The following DAGLB variants were observed in gnomAD, a reference collection of about 807,000 sequenced individuals.
The protein encoded by DAGLB is diacylglycerol lipase beta, also known as diacylglycerol lipase-beta.
Under a neutral mutation model 72.1 loss-of-function variants are expected in DAGLB, and 66 were observed. The observed-to-expected ratio is 0.92, with a 90% confidence interval of 0.75 to 1.12. DAGLB has a LOEUF of 1.12. Among genes scored for constraint, DAGLB ranks in the 50% most tolerant of loss-of-function variants. The pLI is 0.00. For missense variants in DAGLB, 1,065 were observed against 884.9 expected (o/e 1.20, Z -2.58); for synonymous variants, 414 against 359.5 (o/e 1.15, Z -1.71).
intron 6 of DAGLB, among the ~76,000 whole-genome samples, chr7:6,428,224 T>C (rs145204581): frequency 0.024 from 3,413 of 142,770 alleles, 63 homozygotes; most frequent in Middle Eastern, 0.049. Context: ...TGCAGGCCTG[T>C]AATCCCAGCT....
chr7:6,443,160 G>C (rs1784884214), intron 2 of DAGLB, among the ~76,000 whole-genome samples: 1 of 146,012 alleles, frequency 6.8e-6, no homozygotes, highest in African/African-American at 2.6e-5. Context: ...CTGCAGTCCA[G>C]CCTGGGTGAA....
chr7:6,436,230 C>G, intron 3 of DAGLB, 132 bp downstream of exon 3: 2 of 1,157,970 alleles, frequency 1.7e-6, no homozygotes, highest in African/African-American at 1.5e-5. Context: ...TCATGAGTTA[C>G]GCAGAAACTA....
intron 4 of DAGLB, among the ~76,000 whole-genome samples, chr7:6,433,568 G>A (rs960548643): frequency 6.6e-6 from 1 of 152,168 alleles, no homozygotes; most frequent in Non-Finnish European, 1.5e-5. Context: ...TGCCAGGTGC[G>A]ATGACTCACG....
At chr7:6,438,556 A>G (rs1277437110) in intron 2 of DAGLB, among the ~76,000 whole-genome samples, 3 of 151,974 alleles carry the variant, frequency 2.0e-5, no homozygotes, top group Non-Finnish European at 4.4e-5. Context: ...CCCCAGAGAA[A>G]CAGGAAACAG....
intron 6 of DAGLB, 54 bp from the exon 7 acceptor site, chr7:6,426,168 C>T (rs1163120317): frequency 7.5e-6 from 12 of 1,603,794 alleles, no homozygotes; most frequent in Non-Finnish European, 9.4e-6. Context: ...TGGCAAGGAA[C>T]GTCCATCCTC....
intron 11 of DAGLB, among the ~76,000 whole-genome samples, chr7:6,413,586 C>T (rs987810128): frequency 4.0e-5 from 6 of 151,474 alleles, no homozygotes; most frequent in South Asian, 2.1e-4. Context: ...ACTGAGATCG[C>T]GCCACTGCAC....
chr7:6,426,022 T>C lies in DAGLB; in HGVS notation c.1022A>G (p.Tyr341Cys), dbSNP rs1280531892. 3 of 1,614,042 alleles carry C rather than the reference T, an allele frequency of 1.9e-6. No individual in the cohort carries two copies. The African/African-American group carries it at 4.0e-5, about 22-fold the overall frequency. ...GAAGCTGACGTGGATGAAGTCCCTGTACTGCAGCCCTGTGGTGTGCAGGAT... is the reference window on the plus strand; with the variant it reads ...GAAGCTGACGTGGATGAAGTCCCTGCACTGCAGCCCTGTGGTGTGCAGGAT... ...GSILHTTGLQ[Y>C]RDFIHVSFHD... is the part of the protein sequence containing the mutation. The change falls in exon 7 of 15, where the codon TAC (tyrosine) becomes TGC (cysteine). Residue 341 changes from tyrosine to cysteine, a missense_variant. Coordinates refer to ENST00000297056, the MANE Select transcript of DAGLB (RefSeq NM_139179.4).
In DAGLB at chr7:6,410,303, C is replaced by T; in HGVS notation, c.1647G>A (p.Gly549=). The T allele has an allele frequency of 6.2e-7, 1 of 1,614,046 alleles. No homozygotes were observed. The highest frequency in any genetic ancestry group is 8.5e-7 in the Non-Finnish European group (1 of 1,179,994). The part of the protein sequence containing the change: ...NPNNLPTELD[G]GDQEVLTQPL... ...GCTGTGTCAGGACTTCCTGGTCGCC[C>T]CCGTCCAGCTCCGTGGGCAAGTTGT... The change falls in exon 14 of 15, where the codon GGG becomes GGA. Residue 549 remains glycine, a synonymous_variant. Coordinates refer to ENST00000297056, the MANE Select transcript of DAGLB (RefSeq NM_139179.4).
intron 1 of DAGLB, 111 bp from the exon 2 acceptor site, chr7:6,446,215 T>A: frequency 8.9e-7 from 1 of 1,117,628 alleles, no homozygotes; most frequent in Non-Finnish European, 1.2e-6. Context: ...ACACCTGTAA[T>A]CACAGCACTT....
At chr7:6,421,624 G>A (rs574461176) in intron 9 of DAGLB, 103 bp downstream of exon 9, 10 of 1,048,588 alleles carry the variant, frequency 9.5e-6, no homozygotes, top group East Asian at 5.6e-5. Flanking sequence ...CAGGCAGCGC[G>A]GGAGGCGCAG....
At chr7:6,422,869 C>A (rs1013494351) in intron 8 of DAGLB, 2 of 152,226 alleles carry the variant, frequency 1.3e-5, no homozygotes, top group African/African-American at 4.8e-5. Context: ...CCCTCTGAAT[C>A]TAAAATAAAA....
intron 2 of DAGLB, among the ~76,000 whole-genome samples, chr7:6,437,047 G>A (rs1227138567): frequency 1.3e-5 from 2 of 151,792 alleles, no homozygotes; most frequent in Middle Eastern, 3.4e-3. Context: ...CTACTTGCGA[G>A]GGAGGCTGAG....
intron 4 of DAGLB, among the ~76,000 whole-genome samples, chr7:6,433,340 TG>T (rs1313426253): frequency 1.2e-4 from 19 of 152,178 alleles, no homozygotes; most frequent in Non-Finnish European, 2.1e-4. Flanking sequence ...CTCAAGATGC[TG>T]GGAAGGTTTT....
At chr7:6,432,659 T>TTAAA in intron 5 of DAGLB, among the ~76,000 whole-genome samples, 178 bp downstream of exon 5, 1 of 41,388 alleles carries the variant, frequency 2.4e-5, no homozygotes, top group South Asian at 6.6e-4. Context: ...GACTCCGTCT[T>TTAAA]AAAAAAAAAA....
chr7:6,414,724 C>A (rs368057462), intron 11 of DAGLB, among the ~76,000 whole-genome samples: 1 of 152,106 alleles, frequency 6.6e-6, no homozygotes, highest in Admixed American at 6.6e-5. Context: ...GTAATGAGAA[C>A]TACCAGTGCC....
At position 6,430,570 on chromosome 7, in the gene DAGLB, T is replaced by G; in HGVS notation, c.839A>C (p.His280Pro). Residue 280 changes from histidine to proline, a missense_variant, in exon 6 of 15, where the codon CAT becomes CCT. His to Pro is a moderately conservative substitution (Grantham distance 77). Transcript: ENST00000297056. ...GGCCGCTGCTGCAAACTGCATGTAA[T>G]GATGGCAGTTTTCTAATTCTGCATC... is the stretch of plus-strand genomic sequence containing the variant. ...DLDAELENCH[H>P]YMQFAAAAYG... 4.4e-6 allele frequency: 7 copies of G among 1,604,002 alleles called. No homozygotes were observed. Among genetic ancestry groups the G allele is most frequent in the Non-Finnish European group, 6.0e-6 (7 of 1,173,396 alleles).
chr7:6,432,685 G>GAGGGGAGGGA (rs1784523780), intron 5 of DAGLB, 152 bp downstream of exon 5: 1 of 868,024 alleles, frequency 1.2e-6, no homozygotes, highest in Non-Finnish European at 1.6e-6. Context: ...AAAGGTGGGA[G>GAGGGGAGGGA]AGGGGAGGGA....
chr7:6,441,697 G>A (rs1562489686), intron 2 of DAGLB, among the ~76,000 whole-genome samples: 1 of 152,096 alleles, frequency 6.6e-6, no homozygotes. Context: ...AATTACAGGT[G>A]TAAGCCACCG....
intron 11 of DAGLB, among the ~76,000 whole-genome samples, chr7:6,415,579 C>A (rs1783880755): frequency 1.4e-5 from 2 of 145,274 alleles, no homozygotes; most frequent in African/African-American, 5.2e-5. Context: ...TGGCTCATGC[C>A]TGTAATCCCA....
Sources: gnomAD v4.1 joint callset for allele counts (sites outside exome capture counted in the v4.1 genomes callset) on GRCh38, gnomAD v4.1.1 for gene constraint, MANE v1.5 for transcripts, NCBI Gene and HGNC (gene_info 2026-07-23, HGNC 2026-07-21) for gene names.